The following ESRP1 variants were observed in gnomAD, a reference collection of about 807,000 sequenced individuals.
The protein encoded by ESRP1 is RNA-binding motif protein 35A.
A neutral mutation model predicts 81.7 loss-of-function variants in ESRP1; 33 were observed. That is an observed-to-expected ratio of 0.40 (90% CI 0.31 to 0.54). The LOEUF (loss-of-function observed/expected upper bound fraction) is 0.54. Among genes scored for constraint, ESRP1 ranks in the 20% least tolerant of loss-of-function variants. ESRP1 has a pLI of 0.41. For synonymous variants in ESRP1, 320 were observed against 303.3 expected (o/e 1.06, Z -0.57); for missense variants, 672 against 833.1 (o/e 0.81, Z 2.38).
At position 94,641,373 on chromosome 8, in the gene ESRP1, A is replaced by C. The variant is rs1309172882; in HGVS notation, c.55A>C (p.Thr19Pro). ...GCTTTTTGGGATCACTGCTGGGGCC[A>C]CCGGGGCCAAGCTAGGCTCGGATGA... ...VVLFGITAGATGAKLGSDEKE... is the reference protein window; with the variant it reads ...VVLFGITAGAPGAKLGSDEKE... The change falls in exon 1 of 16, where the codon ACC becomes CCC. Residue 19 changes from threonine to proline, a missense_variant. Physicochemically the swap from Thr to Pro is conservative, Grantham distance 38 (BLOSUM62 -1). Transcript: ENST00000433389. 1 of 1,612,968 alleles carries C rather than the reference A, an allele frequency of 6.2e-7. No homozygotes were observed. Among genetic ancestry groups the C allele is most frequent in the East Asian group, 2.2e-5 (1 of 44,816 alleles).
chr8:94,648,390 G>A (rs1287457796), intron 4 of ESRP1, among the ~76,000 whole-genome samples: 1 of 152,188 alleles, frequency 6.6e-6, no homozygotes, highest in Non-Finnish European at 1.5e-5. Context: ...CTGCTGTGGT[G>A]AGTTATTTTA....
At chr8:94,677,153 C>T (rs546175386) in intron 12 of ESRP1, among the ~76,000 whole-genome samples, 7 of 152,074 alleles carry the variant, frequency 4.6e-5, no homozygotes, top group Non-Finnish European at 1.0e-4. Context: ...TTTTTCTATA[C>T]GCCCATATTT....
chr8:94,642,409 A>G (rs1817652782), intron 2 of ESRP1, among the ~76,000 whole-genome samples: 1 of 152,206 alleles, frequency 6.6e-6, no homozygotes. Context: ...CCCCATCTCC[A>G]GGTCCAGACC....
intron 4 of ESRP1, among the ~76,000 whole-genome samples, chr8:94,655,615 G>A (rs1818367418): frequency 6.6e-6 from 1 of 151,946 alleles, no homozygotes; most frequent in Non-Finnish European, 1.5e-5. Context: ...AACCAAACTG[G>A]GCACGGTGGC....
At chr8:94,689,619 C>T (rs1809293946) in intron 13 of ESRP1, among the ~76,000 whole-genome samples, 1 of 151,616 alleles carries the variant, frequency 6.6e-6, no homozygotes, top group Non-Finnish European at 1.5e-5. Flanking sequence ...ATTCTTATTT[C>T]AGTAATCCAC....
chr8:94,676,349 C>CAAA (rs10652320), intron 12 of ESRP1, among the ~76,000 whole-genome samples: 3,139 of 120,636 alleles, frequency 0.026, 124 homozygotes, highest in African/African-American at 0.089. Flanking sequence ...GACTCAGTCT[C>CAAA]AAAAAAAAAA....
intron 14 of ESRP1, among the ~76,000 whole-genome samples, chr8:94,693,815 C>T (rs748461714): frequency 5.8e-4 from 89 of 152,296 alleles, no homozygotes; most frequent in Non-Finnish European, 8.1e-4. Context: ...ACTGTGATCT[C>T]AGCTAAAATT....
intron 15 of ESRP1, among the ~76,000 whole-genome samples, chr8:94,698,159 T>G (rs764556828): frequency 2.0e-5 from 3 of 152,214 alleles, no homozygotes; most frequent in Non-Finnish European, 4.4e-5. Flanking sequence ...TAGCATTAAG[T>G]GTACATTCAC....
chr8:94,683,986 T>C (rs895975592), intron 13 of ESRP1, among the ~76,000 whole-genome samples: 5 of 152,198 alleles, frequency 3.3e-5, no homozygotes, highest in Non-Finnish European at 7.3e-5. Flanking sequence ...TAGCTGGGAT[T>C]ACAGGCATGC....
chr8:94,652,689 GACTTCTAATATTGTGTTT>G, intron 4 of ESRP1, among the ~76,000 whole-genome samples: 1 of 152,124 alleles, frequency 6.6e-6, no homozygotes, highest in East Asian at 1.9e-4. Flanking sequence ...CACTAATCAA[GACTTCTAATATTGTGTTT>G]ACTTCCCTTT....
chr8:94,679,147 T>C (rs1808763518), intron 13 of ESRP1, among the ~76,000 whole-genome samples: 1 of 152,228 alleles, frequency 6.6e-6, no homozygotes, highest in Admixed American at 6.5e-5. Flanking sequence ...GAGTAAGAGT[T>C]AGGGGTCTCA....
chr8:94,687,478 A>C (rs1267869580), intron 13 of ESRP1, among the ~76,000 whole-genome samples: 1 of 152,240 alleles, frequency 6.6e-6, no homozygotes, highest in Non-Finnish European at 1.5e-5. Flanking sequence ...TAATACAGTA[A>C]CTATTTAGCT....
chr8:94,670,542 C>T (rs866270290), intron 10 of ESRP1, among the ~76,000 whole-genome samples: 2 of 152,094 alleles, frequency 1.3e-5, no homozygotes, highest in African/African-American at 4.8e-5. Context: ...TCTATATTGT[C>T]AATTTATGGG....
chr8:94,697,396 C>T (rs1201655828), intron 15 of ESRP1, among the ~76,000 whole-genome samples: 1 of 152,152 alleles, frequency 6.6e-6, no homozygotes, highest in Non-Finnish European at 1.5e-5. Flanking sequence ...GTTTTCTCTC[C>T]CAATAGCTCC....
chr8:94,641,242 C>G lies in ESRP1; in HGVS notation c.-77C>G. Reference sequence around the variant, plus strand: ...CTTTTTCTCTTAGAAGAGGGTTTAGCACAGGTTTTTTCGTTCTCACTTCCA... The same window carrying G: ...CTTTTTCTCTTAGAAGAGGGTTTAGGACAGGTTTTTTCGTTCTCACTTCCA... On this transcript the variant is annotated 5_prime_UTR_variant, in exon 1 of 16. Coordinates refer to ENST00000433389, the MANE Select transcript of ESRP1 (RefSeq NM_017697.4). 4 of 1,410,290 alleles carry G rather than the reference C, an allele frequency of 2.8e-6. No individual in the cohort carries two copies. Among genetic ancestry groups the G allele is most frequent in the South Asian group, 2.5e-5 (2 of 79,452 alleles). 87.4% of individuals were successfully genotyped at this position (1,410,290 alleles called of 1,614,324 possible).
chr8:94,690,526 A>G (rs376780326), intron 13 of ESRP1, among the ~76,000 whole-genome samples: 2 of 152,194 alleles, frequency 1.3e-5, no homozygotes, highest in African/African-American at 4.8e-5. Flanking sequence ...TGTATACAGC[A>G]GGTAATCATA....
intron 4 of ESRP1, among the ~76,000 whole-genome samples, chr8:94,657,305 T>A (rs1279534627): frequency 1.3e-5 from 2 of 152,246 alleles, no homozygotes; most frequent in Non-Finnish European, 2.9e-5. Context: ...CAGACTCATC[T>A]TTCCTTTCCT....
chr8:94,676,275 A>C (rs1380255311), intron 12 of ESRP1, among the ~76,000 whole-genome samples: 4 of 150,282 alleles, frequency 2.7e-5, no homozygotes, highest in African/African-American at 9.8e-5. Flanking sequence ...TTGCTTGATC[A>C]CGGGAGGCGG....
intron 10 of ESRP1, among the ~76,000 whole-genome samples, chr8:94,668,788 C>CGTGT (rs771754492): frequency 5.2e-5 from 4 of 76,754 alleles, no homozygotes; most frequent in Non-Finnish European, 1.0e-4. Flanking sequence ...TAGCTTTCAG[C>CGTGT]ATGTGTGTGT....
Sources: gnomAD v4.1 joint callset for allele counts (sites outside exome capture counted in the v4.1 genomes callset) on GRCh38, gnomAD v4.1.1 for gene constraint, MANE v1.5 for transcripts, NCBI Gene and HGNC (gene_info 2026-07-23, HGNC 2026-07-21) for gene names.